CNIH3: variants seen among roughly 807,000 people sequenced by gnomAD.
CNIH3 encodes the protein cornichon family AMPA receptor auxiliary protein 3.
CNIH3 carries 14 observed loss-of-function variants against 24.1 expected under a neutral mutation model. That is an observed-to-expected ratio of 0.58 (90% confidence interval 0.38 to 0.91). The LOEUF is 0.91. Ranked by LOEUF, CNIH3 falls within the 40% of genes least tolerant of loss-of-function variation. CNIH3 has a pLI of 0.00. For synonymous variants in CNIH3, 68 were observed against 73.8 expected, an observed-to-expected ratio of 0.92 and a Z score of 0.40; for missense variants, 178 against 196.8, an observed-to-expected ratio of 0.90 and a Z score of 0.57.
chr1:224,696,205 T>C (rs1687171546), intron 3 of CNIH3, among the ~76,000 whole-genome samples: 1 of 152,208 alleles, frequency 6.6e-6, no homozygotes, highest in Non-Finnish European at 1.5e-5. Flanking sequence ...CTTGTCCATG[T>C]GGACCATGAG....
intron 3 of CNIH3, among the ~76,000 whole-genome samples, chr1:224,559,591 T>G (rs1453256675): frequency 6.6e-6 from 1 of 152,102 alleles, no homozygotes; most frequent in East Asian, 1.9e-4. Flanking sequence ...CAGGCTGATC[T>G]CCAACTCCTG....
At chr1:224,440,771 A>G (rs185659195) in intron 1 of CNIH3, among the ~76,000 whole-genome samples, 7 of 152,096 alleles carry the variant, frequency 4.6e-5, no homozygotes, top group African/African-American at 1.7e-4. Context: ...TTTTCCATTT[A>G]ATACTACTCC....
chr1:224,573,279 A>C (rs968483046), intron 4 of CNIH3, among the ~76,000 whole-genome samples: 4 of 152,110 alleles, frequency 2.6e-5, no homozygotes, highest in African/African-American at 9.7e-5. Flanking sequence ...TTTTCATTCA[A>C]TCTTCCTTTT....
chr1:224,528,822 T>G (rs566305002), intron 2 of CNIH3, among the ~76,000 whole-genome samples: 1 of 152,242 alleles, frequency 6.6e-6, no homozygotes, highest in Admixed American at 6.5e-5. Context: ...TATTTGACAA[T>G]GTCCCATGTG....
chr1:224,676,097 C>A (rs765146703), intron 1 of CNIH3, among the ~76,000 whole-genome samples: 1 of 152,194 alleles, frequency 6.6e-6, no homozygotes, highest in Non-Finnish European at 1.5e-5. Context: ...ACCCAAATAT[C>A]CTTTAACAGG....
At chr1:224,514,607 G>T (rs957010146), upstream of CNIH3, among the ~76,000 whole-genome samples, 1 of 152,150 alleles carries the variant, frequency 6.6e-6, no homozygotes, top group Non-Finnish European at 1.5e-5. Context: ...GAGGTGGGCG[G>T]ATCACTTGAA....
intron 4 of CNIH3, among the ~76,000 whole-genome samples, chr1:224,732,066 G>A (rs920366674): frequency 6.6e-6 from 1 of 152,196 alleles, no homozygotes; most frequent in East Asian, 1.9e-4. Context: ...TTAGGAAGGT[G>A]GCCTGGGAAG....
At chr1:224,735,937 A>G (rs771352490) in intron 5 of CNIH3, among the ~76,000 whole-genome samples, 40 of 151,902 alleles carry the variant, frequency 2.6e-4, no homozygotes, top group Admixed American at 5.2e-4. Context: ...AAGTTCTGAC[A>G]TTTAAAAATG....
At chr1:224,493,181 T>C (rs994232688) in intron 1 of CNIH3, among the ~76,000 whole-genome samples, 1 of 152,224 alleles carries the variant, frequency 6.6e-6, no homozygotes, top group African/African-American at 2.4e-5. Context: ...GAAATCCATT[T>C]GTTGGAAGTT....
intron 1 of CNIH3, among the ~76,000 whole-genome samples, chr1:224,437,506 T>C (rs554934920): frequency 1.2e-4 from 19 of 152,336 alleles, no homozygotes; most frequent in Admixed American, 1.1e-3. Context: ...GTCTGTGAAC[T>C]GTATGAGACT....
intron 3 of CNIH3, among the ~76,000 whole-genome samples, chr1:224,564,456 T>C (rs1572485878): frequency 1.3e-5 from 2 of 152,384 alleles, no homozygotes; most frequent in East Asian, 3.9e-4. Context: ...TTGTCTCCAG[T>C]GCAAGACAAA....
chr1:224,485,035 A>G (rs567107860), intron 1 of CNIH3, among the ~76,000 whole-genome samples: 5 of 152,138 alleles, frequency 3.3e-5, no homozygotes, highest in Non-Finnish European at 5.9e-5. Flanking sequence ...TATGCCAGAC[A>G]TTGTCAATTT....
intron 1 of CNIH3, among the ~76,000 whole-genome samples, chr1:224,643,102 G>A (rs777976725): frequency 6.6e-5 from 10 of 152,212 alleles, no homozygotes; most frequent in Admixed American, 2.0e-4. Context: ...GTCGAGGCGT[G>A]TGTTTGGAGT....
intron 1 of CNIH3, among the ~76,000 whole-genome samples, chr1:224,487,208 A>G (rs1283876937): frequency 6.6e-6 from 1 of 152,196 alleles, no homozygotes; most frequent in Non-Finnish European, 1.5e-5. Context: ...TACATTTACA[A>G]TCATATTTGA....
chr1:224,606,788 G>A (rs1682445116), intron 3 of CNIH3, among the ~76,000 whole-genome samples: 1 of 152,082 alleles, frequency 6.6e-6, no homozygotes. Context: ...AACCTGTTGG[G>A]CAGTTACACT....
intron 1 of CNIH3, among the ~76,000 whole-genome samples, chr1:224,471,141 T>C (rs1417652661): frequency 6.6e-6 from 1 of 151,628 alleles, no homozygotes; most frequent in Non-Finnish European, 1.5e-5. Context: ...TGGGTTCAAG[T>C]GATTCTCCTG....
intron 4 of CNIH3, chr1:224,574,633 T>G (rs1680958147): frequency 1.1e-6 from 1 of 872,412 alleles, no homozygotes; most frequent in Non-Finnish European, 2.0e-6. Context: ...AGGGAGCAGG[T>G]GGTGAAGTGT....
intron 5 of CNIH3, 28 bp from the exon 6 acceptor site, chr1:224,739,293 CTCTTTTTT>C: frequency 6.4e-7 from 1 of 1,561,666 alleles, no homozygotes; most frequent in South Asian, 1.2e-5. Flanking sequence ...ACACCTTCCT[CTCTTTTTT>C]TTTTTTTTTT....
intron 3 of CNIH3, chr1:224,730,202 G>A (rs923051074): frequency 1.3e-4 from 48 of 359,914 alleles, no homozygotes; most frequent in African/African-American, 8.7e-4. Flanking sequence ...AGGAGCAAGC[G>A]TGGTATTCTG....
Sources: gnomAD v4.1 joint callset for allele counts (sites outside exome capture counted in the v4.1 genomes callset) on GRCh38, gnomAD v4.1.1 for gene constraint, MANE v1.5 for transcripts, NCBI Gene and HGNC (gene_info 2026-07-23, HGNC 2026-07-21) for gene names.